Variants in UNC5C observed in about 807,000 individuals in gnomAD.
UNC5C encodes unc-5 netrin receptor C.
UNC5C carries 47 observed loss-of-function variants against 99.8 expected under a neutral mutation model. The ratio of observed to expected loss-of-function variants is 0.47; its 90% confidence interval spans 0.37 to 0.60. The LOEUF is 0.60. Ranked by LOEUF, UNC5C falls within the 20% of genes least tolerant of loss-of-function variation. The pLI, the probability that UNC5C is intolerant of heterozygous loss-of-function variation, is 0.00. For synonymous variants in UNC5C, 487 were observed against 452.2 expected, an observed-to-expected ratio of 1.08 and a Z score of -0.98; for missense variants, 1,062 against 1,165.9, an observed-to-expected ratio of 0.91 and a Z score of 1.30.
intron 1 of UNC5C, among the ~76,000 whole-genome samples, chr4:95,533,724 G>A (rs570345568): frequency 5.9e-5 from 9 of 152,176 alleles, no homozygotes; most frequent in African/African-American, 2.2e-4. Flanking sequence ...AACAAAAAAG[G>A]CAGTAATCAT....
intron 3 of UNC5C, among the ~76,000 whole-genome samples, chr4:95,288,946 C>T (rs1398831032): frequency 6.6e-6 from 1 of 152,170 alleles, no homozygotes; most frequent in Non-Finnish European, 1.5e-5. Flanking sequence ...GGACCTGATG[C>T]CTTTGGGGGT....
chr4:95,446,747 A>C (rs1747118085), intron 1 of UNC5C, among the ~76,000 whole-genome samples: 1 of 151,712 alleles, frequency 6.6e-6, no homozygotes, highest in South Asian at 2.1e-4. Flanking sequence ...ATAAAACTGT[A>C]CACTAAAATG....
chr4:95,246,796 A>G (rs891785983), intron 5 of UNC5C, among the ~76,000 whole-genome samples: 24 of 152,254 alleles, frequency 1.6e-4, no homozygotes, highest in African/African-American at 4.6e-4. Context: ...GCAGTGGCTC[A>G]TGCCTATAAT....
intron 1 of UNC5C, among the ~76,000 whole-genome samples, chr4:95,457,347 G>A (rs1000556044): frequency 7.2e-5 from 11 of 152,030 alleles, no homozygotes; most frequent in Middle Eastern, 3.4e-3. Flanking sequence ...TTAAAAGCAT[G>A]TTTCTTGAAA....
At chr4:95,221,483 A>G (rs1738466691) in intron 7 of UNC5C, among the ~76,000 whole-genome samples, 1 of 152,172 alleles carries the variant, frequency 6.6e-6, no homozygotes, top group Non-Finnish European at 1.5e-5. Context: ...TCATGAGACA[A>G]CCCACACTCT....
chr4:95,350,605 T>C (rs755440345), intron 1 of UNC5C, among the ~76,000 whole-genome samples: 18 of 152,132 alleles, frequency 1.2e-4, no homozygotes, highest in Non-Finnish European at 2.5e-4. Context: ...CATAGGAATA[T>C]TGTAAAAATT....
intron 7 of UNC5C, among the ~76,000 whole-genome samples, chr4:95,221,667 G>A (rs4699836): frequency 0.29 from 43,596 of 152,036 alleles, 6,668 homozygotes; most frequent in East Asian, 0.58. Flanking sequence ...CATCAATCAA[G>A]TCAATGTTAG....
intron 4 of UNC5C, among the ~76,000 whole-genome samples, chr4:95,253,222 GCTATTCAAAACTACGGTTCC>G (rs1354442530): frequency 6.6e-6 from 1 of 152,096 alleles, no homozygotes; most frequent in African/African-American, 2.4e-5. Flanking sequence ...AGAACCCATA[GCTATTCAAAACTACGGTTCC>G]TCCTATGTAA....
At chr4:95,275,092 G>A (rs1740810979) in intron 4 of UNC5C, among the ~76,000 whole-genome samples, 1 of 150,896 alleles carries the variant, frequency 6.6e-6, no homozygotes. Flanking sequence ...GCTATAAATA[G>A]TTTCATTAAC....
At chr4:95,173,798 A>G (rs1003518380) in intron 14 of UNC5C, among the ~76,000 whole-genome samples, 5 of 152,160 alleles carry the variant, frequency 3.3e-5, no homozygotes, top group Admixed American at 1.3e-4. Flanking sequence ...ATTGATTGGA[A>G]TAGTTTCAGA....
chr4:95,421,080 C>T (rs1317631710), intron 1 of UNC5C, among the ~76,000 whole-genome samples: 3 of 152,138 alleles, frequency 2.0e-5, no homozygotes, highest in South Asian at 2.1e-4. Flanking sequence ...GACTTCTCCC[C>T]TTCTCCATTA....
intron 12 of UNC5C, among the ~76,000 whole-genome samples, chr4:95,192,597 T>A (rs1222366272): frequency 7.8e-6 from 1 of 128,370 alleles, no homozygotes; most frequent in Non-Finnish European, 1.6e-5. Context: ...CCTTCTCACC[T>A]CCTTCCCTGC....
chr4:95,459,894 A>C (rs1747549682), intron 1 of UNC5C, among the ~76,000 whole-genome samples: 1 of 152,174 alleles, frequency 6.6e-6, no homozygotes, highest in Non-Finnish European at 1.5e-5. Flanking sequence ...CATATTTGTC[A>C]CTCACTCATG....
intron 1 of UNC5C, among the ~76,000 whole-genome samples, chr4:95,453,119 A>ACTC (rs1560838511): frequency 6.6e-6 from 1 of 152,006 alleles, no homozygotes; most frequent in Non-Finnish European, 1.5e-5. Context: ...TAGTTATCTC[A>ACTC]CTCTAACACT....
intron 2 of UNC5C, among the ~76,000 whole-genome samples, chr4:95,320,231 G>C (rs1166198746): frequency 2.0e-5 from 3 of 152,010 alleles, no homozygotes; most frequent in Non-Finnish European, 2.9e-5. Flanking sequence ...AGACCAGCCT[G>C]GCCAACATGG....
chr4:95,229,256 T>C (rs183546714), intron 7 of UNC5C, among the ~76,000 whole-genome samples: 4 of 152,270 alleles, frequency 2.6e-5, no homozygotes, highest in African/African-American at 9.6e-5. Flanking sequence ...TTAGGTTTTC[T>C]CCTAATGCTA....
intron 1 of UNC5C, among the ~76,000 whole-genome samples, chr4:95,480,735 TAAACA>T (rs1721123603): frequency 6.6e-6 from 1 of 151,832 alleles, no homozygotes; most frequent in African/African-American, 2.4e-5. Flanking sequence ...ATCCAGCATA[TAAACA>T]AAACAAAAGA....
intron 12 of UNC5C, among the ~76,000 whole-genome samples, chr4:95,196,727 A>AATATATATATTTATGTAATATATAAT (rs1737410415): frequency 1.0e-5 from 1 of 95,606 alleles, no homozygotes; most frequent in Non-Finnish European, 2.0e-5. Context: ...TAAATGTACA[A>AATATATATATTTATGTAATATATAAT]ATATATATTA....
intron 4 of UNC5C, among the ~76,000 whole-genome samples, chr4:95,253,351 C>T (rs1739812844): frequency 6.6e-6 from 1 of 152,118 alleles, no homozygotes. Context: ...GAGTTTATTA[C>T]ATGGAAGAAA....
Sources: gnomAD v4.1 joint callset for allele counts (sites outside exome capture counted in the v4.1 genomes callset) on GRCh38, gnomAD v4.1.1 for gene constraint, MANE v1.5 for transcripts, NCBI Gene and HGNC (gene_info 2026-07-23, HGNC 2026-07-21) for gene names.